CFAP251: variants seen among roughly 807,000 people sequenced by gnomAD.
CFAP251 encodes the protein cilia and flagella associated protein 251, also known as cilia- and flagella-associated protein 251.
A neutral mutation model predicts 126.7 loss-of-function variants in CFAP251; 93 were observed. The ratio of observed to expected loss-of-function variants is 0.73; its 90% CI spans 0.62 to 0.87. The LOEUF (loss-of-function observed/expected upper bound fraction) is 0.87. CFAP251 is among the 40% of genes least tolerant of loss of function. The probability of loss-of-function intolerance (pLI) is 0.00; values close to 1 mark genes in which losing one functional copy is unlikely to be tolerated. For synonymous variants in CFAP251, 503 were observed against 506.9 expected (o/e 0.99, Z 0.10); for missense variants, 1,287 against 1,389.2 (o/e 0.93, Z 1.17).
chr12:121,968,976 C>T (rs924883006), intron 17 of CFAP251: 2 of 985,248 alleles, frequency 2.0e-6, no homozygotes. Flanking sequence ...GGCATGCTGC[C>T]GCAGGGCAGA....
rs763991574 is a variant in CFAP251, at chr12:121,921,686, A to C, written c.378+3A>C. 1.9e-6 allele frequency: 3 copies of C among 1,602,324 alleles called. No homozygotes were observed. In the African/African-American group the frequency reaches 4.0e-5, roughly 22 times the overall value. On this transcript the variant is annotated splice_donor_region_variant and intron_variant, in intron 2 of 21. Coordinates refer to ENST00000288912, the MANE Select transcript of CFAP251 (RefSeq NM_144668.6). ...CAATCACATCAGGAATTTTCCCAGTAAGTAGTCATCTTAATTCATTCATCA... is the reference window on the plus strand; with the variant it reads ...CAATCACATCAGGAATTTTCCCAGTCAGTAGTCATCTTAATTCATTCATCA...
chr12:121,921,137 C>T, intron 1 of CFAP251, 149 bp from the exon 2 acceptor site: 3 of 889,566 alleles, frequency 3.4e-6, no homozygotes, highest in Non-Finnish European at 3.2e-6. Flanking sequence ...GCATGAGCCA[C>T]CGTGCCTGGT....
chr12:121,972,909 G>A (rs1275868784), intron 17 of CFAP251, among the ~76,000 whole-genome samples: 1 of 152,218 alleles, frequency 6.6e-6, no homozygotes. Context: ...GCCTGACTAT[G>A]TGATAGAAAA....
Position 121,954,055 on chromosome 12 carries a change from G to A in CFAP251, c.1321-65G>A, listed in dbSNP as rs181269239. ...TTTCAGCATAGCATTATAAAATATCGTATTGATAAATGCTTTGTTTTATAT... is the reference window on the plus strand; with the variant it reads ...TTTCAGCATAGCATTATAAAATATCATATTGATAAATGCTTTGTTTTATAT... On this transcript the variant is annotated intron_variant, in intron 9 of 21. Transcript: ENST00000288912. The A allele has an allele frequency of 3.1e-3, 4,069 of 1,324,744 alleles. 10 individuals carry two copies. The highest frequency in any genetic ancestry group is 4.0e-3 in the Non-Finnish European group (3,706 of 936,598). 82.1% of individuals were successfully genotyped at this position (1,324,744 alleles called of 1,614,324 possible). A position where few individuals can be genotyped will look rare whatever the true frequency, so the allele number is the denominator to read the frequency against.
chr12:121,920,846 CT>C (rs1269107205), intron 1 of CFAP251, among the ~76,000 whole-genome samples: 1 of 151,398 alleles, frequency 6.6e-6, no homozygotes, highest in Non-Finnish European at 1.5e-5. Context: ...ATATGACATT[CT>C]TTTTTTGTTT....
chr12:121,934,780 T>C (rs1880825138), intron 5 of CFAP251, among the ~76,000 whole-genome samples: 1 of 152,200 alleles, frequency 6.6e-6, no homozygotes, highest in Non-Finnish European at 1.5e-5. Flanking sequence ...CTGCAGTCTC[T>C]CTCTAATTCT....
At chr12:121,975,945 C>T (rs189880190) in intron 19 of CFAP251, among the ~76,000 whole-genome samples, 131 of 151,778 alleles carry the variant, frequency 8.6e-4, no homozygotes, top group African/African-American at 3.0e-3. Context: ...TTGAATTGGA[C>T]GGACTGGGGC....
chr12:121,964,666 G>A (rs1210241158), intron 15 of CFAP251, among the ~76,000 whole-genome samples: 4 of 152,196 alleles, frequency 2.6e-5, no homozygotes, highest in Admixed American at 1.3e-4. Flanking sequence ...GGGAGGGGCC[G>A]AGGCAGGTGG....
intron 5 of CFAP251, among the ~76,000 whole-genome samples, chr12:121,937,779 C>A (rs781067829): frequency 2.0e-5 from 3 of 152,136 alleles, no homozygotes; most frequent in Non-Finnish European, 4.4e-5. Flanking sequence ...ATTACCCAAC[C>A]CTGATCCTCA....
chr12:121,964,976 C>A (rs1882072558), intron 15 of CFAP251, among the ~76,000 whole-genome samples: 1 of 152,138 alleles, frequency 6.6e-6, no homozygotes, highest in Non-Finnish European at 1.5e-5. Context: ...TGCTGTGCAA[C>A]CCCCACTGTA....
intron 21 of CFAP251, among the ~76,000 whole-genome samples, chr12:122,003,428 C>A (rs932002916): frequency 5.3e-5 from 8 of 151,964 alleles, no homozygotes; most frequent in African/African-American, 1.9e-4. Context: ...TTAAAATAAG[C>A]TGGGCGTGGT....
intron 15 of CFAP251, 60 bp downstream of exon 15, chr12:121,962,222 G>T: frequency 6.5e-7 from 1 of 1,532,778 alleles, no homozygotes; most frequent in South Asian, 1.2e-5. Flanking sequence ...CCCCCAACCT[G>T]TTTCAGGTCT....
At position 121,958,968 on chromosome 12, in the gene CFAP251, A is replaced by C; in HGVS notation, c.2007A>C (p.Thr669=). ...PEGALLGAGF[T]EGTVYILDAM... ...GAGCCCTTCTTGGAGCTGGCTTTAC[A>C]GAGGGGACAGTTTACATTCTTGATG... The change falls in exon 13 of 22, where the codon ACA becomes ACC. Residue 669 remains threonine (T), a synonymous_variant. Transcript: ENST00000288912. The C allele has an allele frequency of 1.9e-6, 3 of 1,597,762 alleles. No homozygotes were observed. Among genetic ancestry groups the C allele is most frequent in the Non-Finnish European group, 2.6e-6 (3 of 1,175,610 alleles).
intron 13 of CFAP251, 24 bp downstream of exon 13, chr12:121,959,118 A>G: frequency 6.4e-7 from 1 of 1,558,206 alleles, no homozygotes; most frequent in Non-Finnish European, 8.6e-7. Flanking sequence ...TGGACAACCC[A>G]TCCAGTGGCT....
At chr12:121,997,440 C>T (rs1308357517) in intron 19 of CFAP251, 1 of 149,778 alleles carries the variant, frequency 6.7e-6, no homozygotes. Context: ...TGATGGCTCA[C>T]TCCTGCATCC....
In CFAP251 at chr12:121,918,870, C is replaced by T. The variant is rs1466088474; in HGVS notation, c.-21+175C>T. Among the ~76,000 whole-genome samples the T allele has an allele frequency of 1.3e-5, 2 of 152,112 alleles. No homozygotes were observed. Among genetic ancestry groups the T allele is most frequent in the Non-Finnish European group, 2.9e-5 (2 of 68,012 alleles). ...GCAGAGGCCGCACCTGGGCTTTAAT[C>T]CCCTCGCAGAGCCACGCACCTGGCA... On this transcript the variant is annotated intron_variant, in intron 1 of 21. Coordinates refer to ENST00000288912, the MANE Select transcript of CFAP251 (RefSeq NM_144668.6). This position sits in a 1 kb window ranked among gnomAD's most constrained non-coding sequence, Gnocchi z 4.3.
At chr12:121,985,791 T>C (rs1198992221) in intron 19 of CFAP251, among the ~76,000 whole-genome samples, 1 of 152,078 alleles carries the variant, frequency 6.6e-6, no homozygotes, top group Non-Finnish European at 1.5e-5. Context: ...ACATAGTCTA[T>C]TGTGTTGAAA....
In CFAP251 at chr12:121,958,490, T is replaced by C. The variant is rs1881808349; in HGVS notation, c.1949T>C (p.Leu650Pro). 1.9e-6 allele frequency: 3 copies of C among 1,614,122 alleles called. No individual in the cohort carries two copies. The highest frequency in any genetic ancestry group is 2.5e-6 in the Non-Finnish European group (3 of 1,180,028). ...TTCAGCAGGGTTTTTGAGAAGGGGC[T>C]TGGAGTCCAGAGTCTGACCTACAAC... The part of the protein sequence containing the change: ...YLFSRVFEKG[L>P]GVQSLTYNPE... Residue 650 changes from leucine (L) to proline (P), a missense_variant, in exon 12 of 22, where the codon CTT (leucine) becomes CCT (proline). Leu to Pro is a moderately conservative substitution (Grantham distance 98). Transcript: ENST00000288912.
chr12:121,987,077 C>T (rs760468991), intron 19 of CFAP251, among the ~76,000 whole-genome samples: 6 of 152,132 alleles, frequency 3.9e-5, no homozygotes, highest in Non-Finnish European at 7.3e-5. Context: ...TCACCCATAA[C>T]GAGGGGGGTA....
Sources: allele counts gnomAD v4.1 joint callset (sites outside exome capture counted in the v4.1 genomes callset), GRCh38; gene constraint gnomAD v4.1.1; non-coding constraint Gnocchi (gnomAD v3.1); transcripts MANE v1.5; gene names NCBI Gene and HGNC (gene_info 2026-07-23, HGNC 2026-07-21).